Variants in LTBP1 observed in about 807,000 individuals in gnomAD.
LTBP1 encodes latent transforming growth factor beta binding protein 1.
LTBP1 carries 129 observed loss-of-function variants against 207.6 expected under a neutral mutation model. The ratio of observed to expected loss-of-function variants is 0.62; its 90% CI spans 0.54 to 0.72. The LOEUF (loss-of-function observed/expected upper bound fraction) is 0.72. LTBP1 is among the 30% of genes least tolerant of loss of function. The pLI is 0.00. For missense variants in LTBP1, 2,281 were observed against 2,217.2 expected, an observed-to-expected ratio of 1.03 and a Z score of -0.58; for synonymous variants, 963 against 833.7, an observed-to-expected ratio of 1.16 and a Z score of -2.67.
intron 2 of LTBP1, among the ~76,000 whole-genome samples, chr2:32,952,473 C>T (rs1474655492): frequency 6.6e-6 from 1 of 152,166 alleles, no homozygotes; most frequent in African/African-American, 2.4e-5. Context: ...TTGGATGACT[C>T]TTGATAGCCT....
rs535610131 is a variant in LTBP1 at position 33,023,157 on chromosome 2, C to G, written c.863+1951C>G. ...TGGATATTAAAAACAAAAAACAATT[C>G]TGTGTTGAACTATGCTTTGGCGATC... On this transcript the variant is annotated intron_variant, in intron 3 of 33. Transcript: ENST00000404816. Among the ~76,000 whole-genome samples the G allele has an allele frequency of 8.2e-4, 125 of 152,314 alleles. 2 individuals carry two copies. Among genetic ancestry groups the G allele is most frequent in the African/African-American group, 3.0e-3 (125 of 41,568 alleles).
intron 26 of LTBP1, among the ~76,000 whole-genome samples, chr2:33,350,031 G>A (rs1414175976): frequency 6.6e-6 from 1 of 152,226 alleles, no homozygotes; most frequent in East Asian, 1.9e-4. Context: ...ATGTAGGCCA[G>A]TTAAGAGAGT....
intron 3 of LTBP1, among the ~76,000 whole-genome samples, chr2:33,043,179 T>C (rs2076276296): frequency 6.6e-6 from 1 of 152,218 alleles, no homozygotes; most frequent in Non-Finnish European, 1.5e-5. Flanking sequence ...GAAAACATTA[T>C]GGCAGGAAGT....
chr2:32,978,860 C>T (rs1682277033), intron 2 of LTBP1, among the ~76,000 whole-genome samples: 2 of 151,512 alleles, frequency 1.3e-5, no homozygotes, highest in African/African-American at 4.8e-5. Context: ...TCCTGGGAGA[C>T]TTTTTATTAC....
chr2:33,263,239 C>G (rs771066900), intron 14 of LTBP1, 55 bp from the exon 15 acceptor site: 36 of 1,002,878 alleles, frequency 3.6e-5, no homozygotes, highest in Non-Finnish European at 5.1e-5. Flanking sequence ...GAAATGGGAT[C>G]TCAATGCACA....
At chr2:33,361,632 C>A in intron 28 of LTBP1, 117 bp downstream of exon 28, 1 of 642,534 alleles carries the variant, frequency 1.6e-6, no homozygotes, top group South Asian at 2.5e-5. Context: ...AAACTGATTA[C>A]AAAGTCCTTA....
At chr2:33,256,895 G>T (rs553226915) in intron 11 of LTBP1, among the ~76,000 whole-genome samples, 2 of 149,724 alleles carry the variant, frequency 1.3e-5, no homozygotes, top group South Asian at 4.2e-4. Flanking sequence ...TTATGTAAGG[G>T]TCTTGAGCAT....
At chr2:33,341,750 A>G (rs2094627949) in intron 24 of LTBP1, among the ~76,000 whole-genome samples, 1 of 146,202 alleles carries the variant, frequency 6.8e-6, no homozygotes, top group South Asian at 2.1e-4. Flanking sequence ...ATATATGTAT[A>G]TTTATATATA....
intron 5 of LTBP1, among the ~76,000 whole-genome samples, chr2:33,175,932 A>C: frequency 9.3e-6 from 1 of 107,360 alleles, no homozygotes. Flanking sequence ...GCATATCCTC[A>C]CTCATAGGTG....
At chr2:32,950,680 G>A (rs1172318356) in intron 2 of LTBP1, among the ~76,000 whole-genome samples, 1 of 152,162 alleles carries the variant, frequency 6.6e-6, no homozygotes, top group East Asian at 1.9e-4. Context: ...GCAGTGAGCA[G>A]AGATTGTGCT....
intron 2 of LTBP1, among the ~76,000 whole-genome samples, chr2:33,012,992 T>C (rs1302265261): frequency 6.6e-6 from 1 of 152,238 alleles, no homozygotes; most frequent in Non-Finnish European, 1.5e-5. Flanking sequence ...TATCACTTTA[T>C]AGTTCTAATT....
At chr2:33,038,690 A>G (rs924877886) in intron 3 of LTBP1, among the ~76,000 whole-genome samples, 3 of 152,252 alleles carry the variant, frequency 2.0e-5, no homozygotes, top group African/African-American at 4.8e-5. Context: ...TCTGAGAAGT[A>G]GAAAATATTT....
chr2:33,110,608 T>A lies in LTBP1; in HGVS notation c.890T>A (p.Val297Glu), dbSNP rs2150257654. The A allele has an allele frequency of 6.2e-7, 1 of 1,614,056 alleles. No individual in the cohort carries two copies. Among genetic ancestry groups the A allele is most frequent in the African/African-American group, 1.3e-5 (1 of 75,056 alleles). ...GTGACTCCTCTTTCTTCCCAGAGTG[T>A]GGTGATTCACCATGGCCAGACCCAG... ...SQVTPLSSQS[V>E]VIHHGQTQEY... Residue 297 changes from valine to glutamate, a missense_variant, in exon 4 of 34, where the codon GTG becomes GAG. Val to Glu is a moderately radical substitution (Grantham distance 121, BLOSUM62 -2). Around this residue, in one of 3 missense-constraint regions of LTBP1, gnomAD observed 555 missense variants for 491.0 expected, o/e 1.13. Transcript: ENST00000404816.
intron 5 of LTBP1, among the ~76,000 whole-genome samples, chr2:33,157,830 C>T (rs771034371): frequency 6.6e-6 from 1 of 152,028 alleles, no homozygotes; most frequent in African/African-American, 2.4e-5. Context: ...CTGGGAAAAG[C>T]TGGAATGACC....
Position 33,226,561 on chromosome 2 carries a change from C to T in LTBP1, c.1876+4410C>T, listed in dbSNP as rs115866351. Among the ~76,000 whole-genome samples the T allele has an allele frequency of 4.9e-3, 752 of 152,258 alleles. 4 individuals carry two copies. Among genetic ancestry groups the T allele is most frequent in the African/African-American group, 0.016 (681 of 41,550 alleles). ...GCAGCGTACAGCAACAGTAGCCATC[C>T]GGAGCAGCAGTCCCTGTAAATTGCT... On this transcript the variant is annotated intron_variant, in intron 9 of 33. Coordinates refer to ENST00000404816, the MANE Select transcript of LTBP1 (RefSeq NM_206943.4).
intron 2 of LTBP1, among the ~76,000 whole-genome samples, chr2:32,978,813 A>T (rs1682267361): frequency 6.6e-6 from 1 of 151,982 alleles, no homozygotes; most frequent in African/African-American, 2.4e-5. Context: ...GTTTGGTAAA[A>T]TTCAGCAGTG....
chr2:33,281,554 G>T lies in LTBP1; in HGVS notation c.3112+1396G>T, dbSNP rs146146680. Among the ~76,000 whole-genome samples the T allele has an allele frequency of 7.1e-3, 1,079 of 152,194 alleles. 13 individuals carry two copies. The highest frequency in any genetic ancestry group is 0.024 in the African/African-American group (1,001 of 41,514). ...TCTCATAGCCCTGGGAAGACATTTA[G>T]GTGTTTTAATGGGGGTTGCAGAAGT... On this transcript the variant is annotated intron_variant, in intron 19 of 33. Transcript: ENST00000404816.
intron 3 of LTBP1, among the ~76,000 whole-genome samples, chr2:33,082,360 C>A (rs912968493): frequency 6.6e-6 from 1 of 150,502 alleles, no homozygotes; most frequent in Admixed American, 6.6e-5. Context: ...GCAGCACAAA[C>A]AGACTAGGAC....
At chr2:33,360,838 C>A in intron 27 of LTBP1, 59 bp downstream of exon 27, 1 of 1,501,056 alleles carries the variant, frequency 6.7e-7, no homozygotes, top group South Asian at 1.2e-5. Flanking sequence ...TGTCCCTGGG[C>A]CTTGAAATGA....
Sources: allele counts gnomAD v4.1 joint callset (sites outside exome capture counted in the v4.1 genomes callset), GRCh38; gene constraint gnomAD v4.1.1; regional missense constraint gnomAD v4.1.1; transcripts MANE v1.5; gene names NCBI Gene and HGNC (gene_info 2026-07-23, HGNC 2026-07-21).